TENM1: variants seen among roughly 807,000 people sequenced by gnomAD.
TENM1 encodes teneurin-1.
In TENM1, 35 loss-of-function variants were observed where a neutral mutation model predicts 174.8. The observed-to-expected ratio is 0.20, with a 90% CI of 0.15 to 0.27. The LOEUF (loss-of-function observed/expected upper bound fraction) is 0.27, where lower values mean the gene tolerates loss of function less well. Among genes scored for constraint, TENM1 ranks in the 10% least tolerant of loss-of-function variants. The probability of loss-of-function intolerance (pLI) is 1.00; values close to 1 mark genes in which losing one functional copy is unlikely to be tolerated. For missense variants in TENM1, 1,633 were observed against 2,130.1 expected, an observed-to-expected ratio of 0.77 and a Z score of 4.59; for synonymous variants, 781 against 798.7, an observed-to-expected ratio of 0.98 and a Z score of 0.37.
At chrX:125,051,327 C>G in the TENM1 span, among the ~76,000 whole-genome samples, 14 of 110,076 alleles carry the variant, frequency 1.3e-4, no homozygotes, top group African/African-American at 2.0e-4. Context: ...TTTCTTCACA[C>G]AATTGGAAAA....
chrX:124,951,666 ATATATAT>A (rs1569487515), intron 1 of TENM1, among the ~76,000 whole-genome samples: 135 of 63,187 alleles, frequency 2.1e-3, no homozygotes, highest in African/African-American at 6.7e-3. Flanking sequence ...ATATATATAT[ATATATAT>A]AACAATCAAT....
intron 3 of TENM1, among the ~76,000 whole-genome samples, chrX:124,742,813 A>G (rs2053831362): frequency 9.0e-6 from 1 of 110,545 alleles, no homozygotes. Flanking sequence ...CATATAATCT[A>G]CACGTGCAAA....
chrX:124,966,677 C>A (rs1235942508), upstream of TENM1, among the ~76,000 whole-genome samples: 66 of 108,457 alleles, frequency 6.1e-4, no homozygotes, highest in Middle Eastern at 4.8e-3. Context: ...AAAAAAAAAA[C>A]CAAAAAATGG....
intron 31 of TENM1, among the ~76,000 whole-genome samples, chrX:124,381,805 A>C (rs1603242738): frequency 9.0e-6 from 1 of 111,581 alleles, no homozygotes; most frequent in East Asian, 2.8e-4. Flanking sequence ...TTTTTTGGGC[A>C]ATTTTCAAAC....
At chrX:124,895,832 G>A (rs2057553090) in intron 2 of TENM1, 149 bp downstream of exon 5, 2 of 603,471 alleles carry the variant, frequency 3.3e-6, no homozygotes, top group African/African-American at 2.2e-5. Flanking sequence ...ATACTTAGGT[G>A]CATGCCTTGT....
At chrX:125,144,101 T>C in the TENM1 span, among the ~76,000 whole-genome samples, 2 of 111,741 alleles carry the variant, frequency 1.8e-5, no homozygotes, top group African/African-American at 6.5e-5. Flanking sequence ...TTATCAGTGG[T>C]CCTAAGTCAT....
At chrX:124,644,037 T>C (rs182690007) in intron 10 of TENM1, among the ~76,000 whole-genome samples, 1,542 of 93,653 alleles carry the variant, frequency 0.016, 31 homozygotes, top group African/African-American at 0.06. Flanking sequence ...ATATATAATA[T>C]AAATGGCATA....
intron 11 of TENM1, among the ~76,000 whole-genome samples, chrX:124,606,444 C>T (rs1050169850): frequency 4.5e-5 from 5 of 111,475 alleles, no homozygotes; most frequent in African/African-American, 1.6e-4. Context: ...TTCTAGTCCT[C>T]ATTTTGCCAT....
chrX:124,883,137 C>A (rs1319963143), intron 3 of TENM1, among the ~76,000 whole-genome samples: 3 of 111,211 alleles, frequency 2.7e-5, no homozygotes, highest in Non-Finnish European at 5.7e-5. Flanking sequence ...TTTAATGTTT[C>A]TTTTGTCCTT....
chrX:124,600,047 T>C (rs990351910), intron 11 of TENM1, among the ~76,000 whole-genome samples: 1 of 110,249 alleles, frequency 9.1e-6, no homozygotes, highest in Non-Finnish European at 1.9e-5. Context: ...TGTGTATATA[T>C]ATATATAAAT....
At chrX:124,581,907 C>T (rs186793276) in intron 11 of TENM1, among the ~76,000 whole-genome samples, 16 of 111,103 alleles carry the variant, frequency 1.4e-4, no homozygotes, top group Admixed American at 5.7e-4. Context: ...TTTTAAGTTC[C>T]GGGATGCATG....
chrX:124,805,364 A>G (rs779061541), intron 3 of TENM1, among the ~76,000 whole-genome samples: 4 of 112,534 alleles, frequency 3.6e-5, no homozygotes, highest in Non-Finnish European at 7.5e-5. Context: ...GCAATATATA[A>G]TAGTTCTAAC....
chrX:124,952,960 C>T (rs2058512981), intron 1 of TENM1, among the ~76,000 whole-genome samples: 1 of 111,566 alleles, frequency 9.0e-6, no homozygotes, highest in African/African-American at 3.3e-5. Context: ...AGAATATTGT[C>T]AAGGTCTCAA....
chrX:124,924,008 A>G, intron 1 of TENM1, among the ~76,000 whole-genome samples: 1 of 112,612 alleles, frequency 8.9e-6, no homozygotes, highest in Non-Finnish European at 1.9e-5. Flanking sequence ...TAGTGGCAAT[A>G]GAAAACTAAT....
intron 3 of TENM1, among the ~76,000 whole-genome samples, chrX:124,769,480 T>C (rs182661994): frequency 8.9e-6 from 1 of 111,960 alleles, no homozygotes; most frequent in East Asian, 2.8e-4. Context: ...TTCGTATGGA[T>C]ATATGCATGA....
At chrX:124,963,555 C>T (rs140628958) in exon 1 of TENM1, 2 of 1,206,299 alleles carry the variant, frequency 1.7e-6, no homozygotes, top group African/African-American at 3.5e-5. Flanking sequence ...GATTTTTCTA[C>T]TTCTTTCCTC....
chrX:124,541,028 T>C (rs762392775), intron 15 of TENM1, among the ~76,000 whole-genome samples: 26 of 112,309 alleles, frequency 2.3e-4, no homozygotes, highest in South Asian at 1.9e-3. Flanking sequence ...TATCACAAGT[T>C]TTAAAAAAGA....
rs756976965 is a variant in TENM1, at chrX:124,915,834, G to GA, written c.218-19594dup. 8.0e-5 allele frequency among the ~76,000 whole-genome samples: 9 copies of GA among 112,040 alleles called. No individual in the cohort carries two copies. The East Asian group carries it at 1.4e-3, about 18-fold the overall frequency. ...GATGGAAAAAAGGGAGAAAATACTGGAAAAAAGATTTTGAAGGTCTTAATA... is the reference window on the plus strand; with the variant it reads ...GATGGAAAAAAGGGAGAAAATACTGGAAAAAAAGATTTTGAAGGTCTTAATA... On this transcript the variant is annotated intron_variant, in intron 1 of 31. Coordinates refer to ENST00000422452, the Ensembl canonical transcript of TENM1.
the TENM1 span, among the ~76,000 whole-genome samples, chrX:125,030,432 AT>A: frequency 8.9e-6 from 1 of 112,118 alleles, no homozygotes; most frequent in African/African-American, 3.2e-5. Flanking sequence ...AAGACATTAC[AT>A]TTTTTTCTAG....
Sources: allele counts gnomAD v4.1 joint callset (sites outside exome capture counted in the v4.1 genomes callset), GRCh38; gene constraint gnomAD v4.1.1; transcripts MANE v1.5; gene names NCBI Gene and HGNC (gene_info 2026-07-23, HGNC 2026-07-21).